The following ABCB4 variants were observed in gnomAD, a reference collection of about 807,000 sequenced individuals.
ABCB4 encodes the protein ATP binding cassette subfamily B member 4.
In ABCB4, 76 loss-of-function variants were observed where a neutral mutation model predicts 145.7. The observed-to-expected ratio is 0.52, with a 90% CI of 0.43 to 0.63. The LOEUF (loss-of-function observed/expected upper bound fraction) is 0.63, where lower values mean the gene tolerates loss of function less well. ABCB4 is among the 30% of genes least tolerant of loss of function. ABCB4 has a pLI of 0.00. For synonymous variants in ABCB4, 517 were observed against 566.8 expected, an observed-to-expected ratio of 0.91 and a Z score of 1.25; for missense variants, 1,234 against 1,553.1, an observed-to-expected ratio of 0.79 and a Z score of 3.45.
chr7:87,381,201 G>A, the ABCB4 span, among the ~76,000 whole-genome samples: 2 of 152,168 alleles, frequency 1.3e-5, no homozygotes, highest in East Asian at 1.9e-4. Context: ...ATGTAAAGTG[G>A]TGACAGTCAC....
intron 17 of ABCB4, 106 bp downstream of exon 17, chr7:87,423,800 T>A: frequency 6.9e-7 from 1 of 1,458,694 alleles, no homozygotes; most frequent in Admixed American, 1.7e-5. Context: ...CTTAGTTTAA[T>A]TTAAGGCTGC....
At chr7:87,449,462 T>G (rs1409992175) in intron 8 of ABCB4, among the ~76,000 whole-genome samples, 1 of 152,134 alleles carries the variant, frequency 6.6e-6, no homozygotes, top group Non-Finnish European at 1.5e-5. Flanking sequence ...TTTACTCTTT[T>G]TTTGTGATAG....
At position 87,462,870 on chromosome 7, in the gene ABCB4, C is replaced by A; in HGVS notation, c.174G>T (p.Ser58=). ...GAGCTATGGCCATGATGGTACCCAG[C>A]GACATAAACAATTTATCCTGCCAAT... ...YSDWQDKLFM[S]LGTIMAIAHG... The change falls in exon 4 of 28, where the codon TCG becomes TCT. Residue 58 remains serine, a synonymous_variant. Transcript: ENST00000649586. 6.2e-7 allele frequency: 1 copy of A among 1,613,484 alleles called. No homozygotes were observed. Among genetic ancestry groups the A allele is most frequent in the Non-Finnish European group, 8.5e-7 (1 of 1,179,732 alleles).
Position 87,439,808 on chromosome 7 carries a change from C to A in ABCB4, c.1590G>T (p.Gly530=). The part of the protein sequence containing the change: ...QKFDTLVGER[G]AQLSGGQKQR... ...GCTTCTGCCCACCACTCAGCTGGGC[C>A]CCTCTCTCTCCAACCAGGGTGTCAA... The change falls in exon 14 of 28, where the codon GGG becomes GGT. Residue 530 remains glycine, a synonymous_variant. Transcript: ENST00000649586. 3 of 1,614,102 alleles carry A rather than the reference C, an allele frequency of 1.9e-6. No individual in the cohort carries two copies. The highest frequency in any genetic ancestry group is 2.5e-6 in the Non-Finnish European group (3 of 1,180,016).
chr7:87,375,702 G>A, the ABCB4 span: 1 of 1,613,524 alleles, frequency 6.2e-7, no homozygotes, highest in South Asian at 1.1e-5. Context: ...ATTAACTAGT[G>A]AGGAGCGAAC....
At chr7:87,465,241 C>A (rs750261171) in intron 3 of ABCB4, among the ~76,000 whole-genome samples, 2 of 152,240 alleles carry the variant, frequency 1.3e-5, no homozygotes, top group Non-Finnish European at 2.9e-5. Context: ...CCACGCCTGG[C>A]TCAGAGGGTC....
At chr7:87,452,601 G>A (rs551606483) in intron 6 of ABCB4, 3 of 340,078 alleles carry the variant, frequency 8.8e-6, no homozygotes, top group East Asian at 7.2e-5. Flanking sequence ...AATTACTAAA[G>A]CAAGTCTCTT....
intron 10 of ABCB4, among the ~76,000 whole-genome samples, chr7:87,444,098 T>C (rs1811180618): frequency 6.6e-6 from 1 of 152,192 alleles, no homozygotes. Context: ...ATAACAAAAA[T>C]ATGCTATAAT....
chr7:87,458,551 C>T (rs1044889222), intron 4 of ABCB4, among the ~76,000 whole-genome samples: 3 of 152,220 alleles, frequency 2.0e-5, no homozygotes, highest in African/African-American at 7.2e-5. Flanking sequence ...AAGTACCTCA[C>T]TCTATCTGTT....
chr7:87,383,452 T>C, the ABCB4 span, among the ~76,000 whole-genome samples: 1 of 152,130 alleles, frequency 6.6e-6, no homozygotes, highest in Non-Finnish European at 1.5e-5. Context: ...TCATTCTTTG[T>C]TTTTTTATTT....
the ABCB4 span, among the ~76,000 whole-genome samples, chr7:87,381,666 C>A: frequency 6.6e-6 from 1 of 152,130 alleles, no homozygotes; most frequent in Non-Finnish European, 1.5e-5. Flanking sequence ...CTCATGACCC[C>A]AAGCCCCACC....
chr7:87,366,073 T>C, the ABCB4 span, among the ~76,000 whole-genome samples: 11 of 152,288 alleles, frequency 7.2e-5, no homozygotes, highest in South Asian at 1.0e-3. Flanking sequence ...GATCCAAATT[T>C]CCCATTGCTC....
chr7:87,366,514 G>A, the ABCB4 span, among the ~76,000 whole-genome samples: 1 of 152,012 alleles, frequency 6.6e-6, no homozygotes, highest in African/African-American at 2.4e-5. Flanking sequence ...GCTTTCAATT[G>A]TAGACGATCC....
intron 15 of ABCB4, among the ~76,000 whole-genome samples, chr7:87,431,129 A>C (rs1022637246): frequency 6.6e-6 from 1 of 152,120 alleles, no homozygotes; most frequent in Non-Finnish European, 1.5e-5. Flanking sequence ...TGACCATCCC[A>C]TTATGGTAGA....
At chr7:87,439,575 T>C (rs2116682861) in intron 14 of ABCB4, 92 bp downstream of exon 14, 1 of 1,437,826 alleles carries the variant, frequency 7.0e-7, no homozygotes, top group Non-Finnish European at 9.8e-7. Flanking sequence ...TTTGCTATGT[T>C]TCTGTTTCTC....
chr7:87,367,122 A>G, the ABCB4 span, among the ~76,000 whole-genome samples: 1 of 152,322 alleles, frequency 6.6e-6, no homozygotes, highest in Non-Finnish European at 1.5e-5. Flanking sequence ...TACATGGTAA[A>G]GAGGAATTAA....
chr7:87,398,131 G>T (rs1807604998), downstream of ABCB4, among the ~76,000 whole-genome samples: 1 of 144,952 alleles, frequency 6.9e-6, no homozygotes. Context: ...CTTTCTTCAA[G>T]TACTCTTTAA....
chr7:87,451,672 A>G lies in ABCB4; in HGVS notation c.659T>C (p.Ile220Thr). ...TCCTAGAATAGGGCTGATGGCCATT[A>G]TCACAAGGGTGAGCTTCCATCCTCT... ...FIRGWKLTLV[I>T]MAISPILGLS... Residue 220 changes from isoleucine (I) to threonine (T), a missense_variant, in exon 7 of 28, where the codon ATA becomes ACA. By Grantham distance (89) the Ile-to-Thr change is moderately conservative (BLOSUM62 -1). Around this residue, in one of 7 missense-constraint regions of ABCB4, gnomAD observed 467 missense variants for 632.8 expected, o/e 0.74. Transcript: ENST00000649586. The G allele has an allele frequency of 6.2e-7, 1 of 1,614,210 alleles. No homozygotes were observed. Among genetic ancestry groups the G allele is most frequent in the Non-Finnish European group, 8.5e-7 (1 of 1,180,034 alleles).
chr7:87,431,362 T>C, intron 15 of ABCB4, 42 bp downstream of exon 15: 1 of 1,612,870 alleles, frequency 6.2e-7, no homozygotes, highest in East Asian at 2.2e-5. Flanking sequence ...GAACACTATA[T>C]TGAGGAGCAA....
Sources: allele counts gnomAD v4.1 joint callset (sites outside exome capture counted in the v4.1 genomes callset), GRCh38; gene constraint gnomAD v4.1.1; regional missense constraint gnomAD v4.1.1; transcripts MANE v1.5; gene names NCBI Gene and HGNC (gene_info 2026-07-23, HGNC 2026-07-21).